Variants in ZFHX3 observed in about 807,000 individuals in gnomAD.
ZFHX3 encodes zinc finger homeobox 3, also known as zinc finger homeobox protein 3.
A neutral mutation model predicts 279.1 loss-of-function variants in ZFHX3; 42 were observed. That is an observed-to-expected ratio of 0.15 (90% CI 0.12 to 0.19). The LOEUF is 0.19. ZFHX3 is among the 10% of genes least tolerant of loss of function. The pLI, the probability that ZFHX3 is intolerant of heterozygous loss-of-function variation, is 1.00. For synonymous variants in ZFHX3, 2,293 were observed against 1,957.8 expected, an observed-to-expected ratio of 1.17 and a Z score of -4.52; for missense variants, 4,981 against 4,754.0, an observed-to-expected ratio of 1.05 and a Z score of -1.40.
intron 3 of ZFHX3, among the ~76,000 whole-genome samples, chr16:73,319,242 T>C (rs2015521829): frequency 6.6e-6 from 1 of 151,812 alleles, no homozygotes; most frequent in South Asian, 2.1e-4. Flanking sequence ...TGAACAAAGA[T>C]GAGAAGGTTA....
intron 2 of ZFHX3, chr16:73,558,500 G>C (rs760143698): frequency 6.6e-6 from 1 of 152,190 alleles, no homozygotes; most frequent in African/African-American, 2.4e-5. Context: ...TGGAGTAACT[G>C]TCAGGGCCTC....
intron 1 of ZFHX3, among the ~76,000 whole-genome samples, chr16:73,681,898 C>T (rs542843046): frequency 2.6e-5 from 4 of 152,256 alleles, no homozygotes; most frequent in African/African-American, 9.6e-5. Context: ...TTGTAATCAT[C>T]AATTTTAAAT....
chr16:73,467,858 C>T (rs1464247614), intron 2 of ZFHX3, among the ~76,000 whole-genome samples: 1 of 152,156 alleles, frequency 6.6e-6, no homozygotes. Flanking sequence ...CTCCTCAGTG[C>T]TGTCTGTCTA....
rs553793069 is a variant in ZFHX3, at chr16:73,175,304, C to G, written c.-1103-31473G>C. The stretch of plus-strand genomic sequence containing the variant: ...CTGAGGCAGGAGAATCACTTGAACC[C>G]AGGAGGTGGAGGCTGCAGTGAGCTG... On this transcript the variant is annotated intron_variant, in intron 5 of 17. Coordinates refer to the ZFHX3 transcript ENST00000641206. Among the ~76,000 whole-genome samples the G allele has an allele frequency of 1.1e-4, 16 of 151,306 alleles. No homozygotes were observed. In the South Asian group the frequency reaches 3.4e-3, roughly 32 times the overall value.
At chr16:73,886,393 C>T (rs1012609154) in intron 1 of ZFHX3, among the ~76,000 whole-genome samples, 1 of 152,106 alleles carries the variant, frequency 6.6e-6, no homozygotes, top group Admixed American at 6.5e-5. Flanking sequence ...AAGGGATCTG[C>T]AGTTACCGTT....
chr16:73,168,274 T>TCTTTCTTTCTTTCTTTCTTTCTTC, intron 5 of ZFHX3, among the ~76,000 whole-genome samples: 1 of 150,250 alleles, frequency 6.7e-6, no homozygotes, highest in African/African-American at 2.5e-5. Context: ...TTTCTTTCTT[T>TCTTTCTTTCTTTCTTTCTTTCTTC]CTTTCGAGAC....
chr16:73,416,741 G>A (rs777543788), intron 3 of ZFHX3, among the ~76,000 whole-genome samples: 3 of 148,594 alleles, frequency 2.0e-5, no homozygotes, highest in East Asian at 1.9e-4. Flanking sequence ...GGGTGCGGTG[G>A]CGGGCGCCTG....
At chr16:73,711,591 T>A (rs1284165518) in intron 1 of ZFHX3, among the ~76,000 whole-genome samples, 1 of 152,122 alleles carries the variant, frequency 6.6e-6, no homozygotes, top group African/African-American at 2.4e-5. Context: ...TGCAGATATA[T>A]GACTGAGGCA....
chr16:73,779,122 T>G (rs907941016), intron 1 of ZFHX3, among the ~76,000 whole-genome samples: 19 of 152,158 alleles, frequency 1.2e-4, no homozygotes, highest in African/African-American at 4.6e-4. Context: ...TGTCTTGCAT[T>G]TGGAACACAG....
chr16:73,851,146 G>C (rs1961585391), intron 1 of ZFHX3, among the ~76,000 whole-genome samples: 1 of 152,036 alleles, frequency 6.6e-6, no homozygotes. Flanking sequence ...TTTCTGCAAA[G>C]AGCTCGAACA....
chr16:73,277,104 G>T (rs563655335), intron 4 of ZFHX3, among the ~76,000 whole-genome samples: 1 of 152,296 alleles, frequency 6.6e-6, no homozygotes, highest in East Asian at 1.9e-4. Context: ...GAGTGATTCT[G>T]CCTCACACTT....
chr16:73,499,942 A>C (rs1467359108), intron 2 of ZFHX3: 1 of 152,154 alleles, frequency 6.6e-6, no homozygotes, highest in Non-Finnish European at 1.5e-5. Flanking sequence ...GTACCAACAA[A>C]TTTACTGCAC....
intron 1 of ZFHX3, among the ~76,000 whole-genome samples, chr16:73,737,741 C>A (rs2053621522): frequency 6.6e-6 from 1 of 151,950 alleles, no homozygotes; most frequent in African/African-American, 2.4e-5. Context: ...GATACGGGAG[C>A]TATTTAATCA....
intron 2 of ZFHX3, among the ~76,000 whole-genome samples, chr16:73,592,420 A>T (rs985463938): frequency 6.6e-6 from 1 of 152,196 alleles, no homozygotes; most frequent in Admixed American, 6.5e-5. Context: ...AAACTGGATG[A>T]TGGTACATGA....
intron 1 of ZFHX3, among the ~76,000 whole-genome samples, chr16:73,792,839 C>T (rs1259581988): frequency 6.6e-6 from 1 of 150,606 alleles, no homozygotes; most frequent in Admixed American, 6.7e-5. Context: ...GTAGTTTGGC[C>T]CTTGACCATA....
At chr16:73,476,435 A>G (rs1427021286) in intron 2 of ZFHX3, among the ~76,000 whole-genome samples, 2 of 152,312 alleles carry the variant, frequency 1.3e-5, no homozygotes, top group South Asian at 2.1e-4. Context: ...AACTCCATTG[A>G]TGGCAAGCAG....
chr16:72,873,894 C>A (rs1333470690), intron 4 of ZFHX3, among the ~76,000 whole-genome samples: 1 of 152,110 alleles, frequency 6.6e-6, no homozygotes, highest in Non-Finnish European at 1.5e-5. Flanking sequence ...AATCGTAACA[C>A]AGTTTACTTA....
chr16:73,555,896 G>GA (rs2020274704), intron 2 of ZFHX3, among the ~76,000 whole-genome samples: 1 of 152,126 alleles, frequency 6.6e-6, no homozygotes, highest in Non-Finnish European at 1.5e-5. Context: ...CTTCATATGG[G>GA]AGGGGGCCCA....
chr16:73,697,393 G>A (rs1208119833), intron 1 of ZFHX3, among the ~76,000 whole-genome samples: 1 of 152,136 alleles, frequency 6.6e-6, no homozygotes, highest in Non-Finnish European at 1.5e-5. Flanking sequence ...CACAGATGCA[G>A]ACTGTTTCAT....
Sources: allele counts gnomAD v4.1 joint callset (sites outside exome capture counted in the v4.1 genomes callset), GRCh38; gene constraint gnomAD v4.1.1; transcripts MANE v1.5; gene names NCBI Gene and HGNC (gene_info 2026-07-23, HGNC 2026-07-21).